RBFA: variants seen among roughly 807,000 people sequenced by gnomAD.
RBFA encodes the protein ribosome binding factor A, also known as putative ribosome-binding factor A, mitochondrial.
RBFA carries 16 observed loss-of-function variants against 27.9 expected under a neutral mutation model. That is an observed-to-expected ratio of 0.57 (90% CI 0.39 to 0.87). The LOEUF (loss-of-function observed/expected upper bound fraction) is 0.87. RBFA is among the 40% of genes least tolerant of loss of function. The probability of loss-of-function intolerance (pLI) is 0.00; values close to 1 mark genes in which losing one functional copy is unlikely to be tolerated. For missense variants in RBFA, 456 were observed against 432.1 expected, an observed-to-expected ratio of 1.06 and a Z score of -0.49; for synonymous variants, 181 against 181.0, an observed-to-expected ratio of 1.00 and a Z score of 0.00.
In RBFA at chr18:80,037,313, T is replaced by G. The variant is rs1157079716; in HGVS notation, c.202-17T>G. On this transcript the variant is annotated splice_polypyrimidine_tract_variant and intron_variant, in intron 2 of 6. Coordinates refer to ENST00000306735, the MANE Select transcript of RBFA (RefSeq NM_024805.3). ...TTGTAACGCTGCCCTTGGGGTGTGC[T>G]CTTCTTCCTGATGGAGACTTACAAA... 8.7e-6 allele frequency: 14 copies of G among 1,611,508 alleles called. No homozygotes were observed. The highest frequency in any genetic ancestry group is 1.0e-5 in the Non-Finnish European group (12 of 1,178,648).
At chr18:80,037,308 T>C (rs1020740568) in intron 2 of RBFA, 22 bp from the exon 3 acceptor site, 1 of 1,609,484 alleles carries the variant, frequency 6.2e-7, no homozygotes, top group Non-Finnish European at 8.5e-7. Context: ...GCCCTTGGGG[T>C]GTGCTCTTCT....
At position 80,045,799 on chromosome 18, in the gene RBFA, G is replaced by A. The variant is rs149756081; in HGVS notation, c.676G>A (p.Gly226Ser). 1.9e-3 allele frequency: 2,915 copies of A among 1,518,542 alleles called. 6 individuals carry two copies. Among genetic ancestry groups the A allele is most frequent in the Non-Finnish European group, 2.4e-3 (2,748 of 1,134,162 alleles). The allele number at this position is 1,518,542 out of a possible 1,614,324, so 94.1% of individuals were successfully genotyped here. A position where few individuals can be genotyped will look rare whatever the true frequency, so the allele number is the denominator to read the frequency against. ...GGACCCTGATGCCCCACAACCCTGC[G>A]GCACCACAGAGCCGACCACAAGCTC... ...FRDPDAPQPC[G>S]TTEPTTSSSL... Residue 226 changes from glycine (G) to serine (S), a missense_variant, in exon 7 of 7, where the codon GGC (glycine) becomes AGC (serine). By Grantham distance (56) the Gly-to-Ser change is moderately conservative. Coordinates refer to ENST00000306735, the MANE Select transcript of RBFA (RefSeq NM_024805.3).
rs543806209 is a variant in RBFA, at chr18:80,046,271, A to G, written c.*116A>G. 254 of 1,200,024 alleles carry G rather than the reference A, an allele frequency of 2.1e-4. No homozygotes were observed. Among genetic ancestry groups the G allele is most frequent in the East Asian group, 4.1e-4 (16 of 39,030 alleles). The allele number at this position is 1,200,024 out of a possible 1,614,324, so 74.3% of individuals were successfully genotyped here. A position where few individuals can be genotyped will look rare whatever the true frequency, so the allele number is the denominator to read the frequency against. ...AACCATCTGCTCTTCTGCTACTTCA[A>G]CATTTTCTAGCTTTTCCGTGTATCT... is the stretch of plus-strand genomic sequence containing the variant. On this transcript the variant is annotated 3_prime_UTR_variant, in exon 7 of 7. Coordinates refer to ENST00000306735, the MANE Select transcript of RBFA (RefSeq NM_024805.3).
intron 6 of RBFA, 45 bp from the exon 7 acceptor site, chr18:80,045,729 G>A (rs1251901853): frequency 6.7e-7 from 1 of 1,495,788 alleles, no homozygotes; most frequent in East Asian, 2.3e-5. Flanking sequence ...CTGTGGACTA[G>A]GGGCATGGTT....
At position 80,034,658 on chromosome 18, in the gene RBFA, T is replaced by C. The variant is rs202077429; in HGVS notation, c.158+5T>C. On this transcript the variant is annotated splice_donor_5th_base_variant and intron_variant, in intron 1 of 6. Transcript: ENST00000306735. ...GAAATTTGCCTCGAAAACCAAGTAATGCGGCGGGGGCGGTGTCCCTGGGCG... is the reference window on the plus strand; with the variant it reads ...GAAATTTGCCTCGAAAACCAAGTAACGCGGCGGGGGCGGTGTCCCTGGGCG... The C allele has an allele frequency of 7.2e-5, 116 of 1,608,028 alleles. No individual in the cohort carries two copies. The highest frequency in any genetic ancestry group is 9.3e-5 in the Non-Finnish European group (110 of 1,178,368).
chr18:80,042,255 AT>A, intron 5 of RBFA, 36 bp downstream of exon 5: 2 of 1,432,750 alleles, frequency 1.4e-6, no homozygotes, highest in Non-Finnish European at 1.9e-6. Context: ...AAATTTAAAA[AT>A]TTTTATTTTT....
In RBFA at chr18:80,038,585, GGCTGTCCT is replaced by G; in HGVS notation, c.462_469del (p.Val155GlufsTer35). The G allele has an allele frequency of 1.2e-6, 2 of 1,614,052 alleles. No individual in the cohort carries two copies. The highest frequency in any genetic ancestry group is 2.2e-5 in the South Asian group (2 of 91,076). ...CTGCTGAGCAGAACGCACACATGGA[GGCTGTCCT>G]GCAGAGAAGTGCCGCGCACATGAGG... is the stretch of plus-strand genomic sequence containing the variant. On this transcript the variant is annotated frameshift_variant, in exon 4 of 7. Coordinates refer to ENST00000306735, the MANE Select transcript of RBFA (RefSeq NM_024805.3). LOFTEE classifies it high-confidence loss of function.
intron 5 of RBFA, among the ~76,000 whole-genome samples, chr18:80,043,072 T>G (rs1288105937): frequency 1.3e-5 from 2 of 152,196 alleles, no homozygotes; most frequent in Non-Finnish European, 2.9e-5. Context: ...CCTGTAACCT[T>G]AAGTGCTTTT....
Position 80,039,385 on chromosome 18 carries a change from A to G in RBFA, c.491+768A>G, listed in dbSNP as rs377659526. 9.9e-5 allele frequency among the ~76,000 whole-genome samples: 15 copies of G among 152,232 alleles called. No homozygotes were observed. The East Asian group carries it at 1.2e-3, about 12-fold the overall frequency. On this transcript the variant is annotated intron_variant, in intron 4 of 6. Coordinates refer to ENST00000306735, the MANE Select transcript of RBFA (RefSeq NM_024805.3). ...TATCAAAAATTATTAATTGTATTAAATCTTGACCCTTGAGCATGCCTTTTT... is the reference window on the plus strand; with the variant it reads ...TATCAAAAATTATTAATTGTATTAAGTCTTGACCCTTGAGCATGCCTTTTT...
At position 80,038,608 on chromosome 18, in the gene RBFA, C is replaced by T. The variant is rs770753763; in HGVS notation, c.482C>T (p.Ala161Val). Residue 161 changes from alanine to valine, a missense_variant, in exon 4 of 7, where the codon GCG becomes GTG. Coordinates refer to ENST00000306735, the MANE Select transcript of RBFA (RefSeq NM_024805.3). ...HMEAVLQRSA[A>V]HMRHLLMSQQ... ...GAGGCTGTCCTGCAGAGAAGTGCCG[C>T]GCACATGAGGTGATGACCTTTGCTT... 28 of 1,612,160 alleles carry T rather than the reference C, an allele frequency of 1.7e-5. No homozygotes were observed. The highest frequency in any genetic ancestry group is 1.7e-4 in the Middle Eastern group (1 of 6,058).
At position 80,047,061 on chromosome 18, in the gene RBFA, T is replaced by C. The variant is rs1314143287; in HGVS notation, c.*906T>C. 1 of 152,286 alleles carries C rather than the reference T, an allele frequency of 6.6e-6. No individual in the cohort carries two copies. The highest frequency in any genetic ancestry group is 2.4e-5 in the African/African-American group (1 of 41,478). The allele number at this position is 152,286 out of a possible 1,614,324, so 9.4% of individuals were successfully genotyped here. On this transcript the variant is annotated 3_prime_UTR_variant, in exon 7 of 7. Coordinates refer to ENST00000306735, the MANE Select transcript of RBFA (RefSeq NM_024805.3). ...CCCCTGTGAGCTGTCAGGTTCTAAA[T>C]TCAGAATTCTCTCAATTCTGTCAGG...
chr18:80,044,516 T>C (rs530325922), intron 6 of RBFA, among the ~76,000 whole-genome samples: 1 of 152,312 alleles, frequency 6.6e-6, no homozygotes, highest in African/African-American at 2.4e-5. Flanking sequence ...ACTCCTGCAG[T>C]GAGGAGAGGG....
chr18:80,044,039 G>C (rs556460843), intron 5 of RBFA, among the ~76,000 whole-genome samples, 173 bp from the exon 6 acceptor site: 2 of 152,246 alleles, frequency 1.3e-5, no homozygotes, highest in Non-Finnish European at 2.9e-5. Context: ...TAAGGTATTT[G>C]AAAGCACAGG....
Position 80,037,419 on chromosome 18 carries a change from C to T in RBFA, c.291C>T (p.Asn97=), listed in dbSNP as rs192509555. The T allele has an allele frequency of 2.8e-4, 444 of 1,614,126 alleles. 3 individuals are homozygous for T. The Admixed American group carries it at 5.5e-3, about 20-fold the overall frequency. ...KEDHARLRAL[N]GLLYKALTDL... ...ACCATGCGCGCCTGAGGGCCCTGAA[C>T]GGCCTCCTCTATAAGGCACTGACAG... The change falls in exon 3 of 7, where the codon AAC becomes AAT. Residue 97 remains asparagine (N), a synonymous_variant. Transcript: ENST00000306735.
chr18:80,046,186 A>G lies in RBFA; in HGVS notation c.*31A>G, dbSNP rs777581984. ...GAGGCTCTGCCCATCCCACATTTGC[A>G]GGGAAAAGCATTGGCACGCAACGCA... On this transcript the variant is annotated 3_prime_UTR_variant, in exon 7 of 7. Transcript: ENST00000306735. 6.2e-7 allele frequency: 1 copy of G among 1,601,114 alleles called. No homozygotes were observed. Among genetic ancestry groups the G allele is most frequent in the Non-Finnish European group, 8.5e-7 (1 of 1,171,930 alleles).
intron 6 of RBFA, 106 bp downstream of exon 6, chr18:80,044,391 T>G (rs1042161845): frequency 2.0e-6 from 2 of 996,290 alleles, no homozygotes; most frequent in African/African-American, 3.2e-5. Flanking sequence ...GTAGCCTGCA[T>G]GATCCCCATG....
chr18:80,047,356 G>C lies in RBFA; in HGVS notation c.*1201G>C, dbSNP rs555492304. 1 of 152,388 alleles carries C rather than the reference G, an allele frequency of 6.6e-6. No individual in the cohort carries two copies. The highest frequency in any genetic ancestry group is 1.5e-5 in the Non-Finnish European group (1 of 68,126). The allele number at this position is 152,388 out of a possible 1,614,324, so 9.4% of individuals were successfully genotyped here. A position where few individuals can be genotyped will look rare whatever the true frequency, so the allele number is the denominator to read the frequency against. ...GTGCTGACCACTGGATCCAGGCCAC[G>C]TGCTGCAGACAGCGGCTGTGGGCGA... is the stretch of plus-strand genomic sequence containing the variant. On this transcript the variant is annotated 3_prime_UTR_variant, in exon 7 of 7. Coordinates refer to ENST00000306735, the MANE Select transcript of RBFA (RefSeq NM_024805.3).
chr18:80,042,157 A>G lies in RBFA; in HGVS notation c.514A>G (p.Thr172Ala), dbSNP rs1183052121. The change falls in exon 5 of 7, where the codon ACC becomes GCC. Residue 172 changes from threonine to alanine, a missense_variant. Transcript: ENST00000306735. The part of the protein sequence containing the change: ...HMRHLLMSQQ[T>A]LRNVPPIVFV... Reference sequence around the variant, plus strand: ...TAGGCACCTTTTGATGTCCCAGCAGACCCTGAGGAATGTGCCACCGATAGT... The same window carrying G: ...TAGGCACCTTTTGATGTCCCAGCAGGCCCTGAGGAATGTGCCACCGATAGT... The G allele has an allele frequency of 1.2e-6, 2 of 1,611,124 alleles. No homozygotes were observed. The highest frequency in any genetic ancestry group is 8.5e-7 in the Non-Finnish European group (1 of 1,178,158).
rs1055184930 is a variant in RBFA at position 80,048,759 on chromosome 18, G to A, written c.*2604G>A. 2.6e-5 allele frequency among the ~76,000 whole-genome samples: 4 copies of A among 152,230 alleles called. No individual in the cohort carries two copies. Among genetic ancestry groups the A allele is most frequent in the East Asian group, 3.9e-4 (2 of 5,176 alleles). Reference sequence around the variant, plus strand: ...AGTGCTGCAGGAGATCCAACCAGGCGCCGGCTCAGTGCCTCCTAGAAAGAG... The same window carrying A: ...AGTGCTGCAGGAGATCCAACCAGGCACCGGCTCAGTGCCTCCTAGAAAGAG... On this transcript the variant is annotated 3_prime_UTR_variant, in exon 7 of 7. Coordinates refer to ENST00000306735, the MANE Select transcript of RBFA (RefSeq NM_024805.3).
Sources: allele counts gnomAD v4.1 joint callset (sites outside exome capture counted in the v4.1 genomes callset), GRCh38; gene constraint gnomAD v4.1.1; transcripts MANE v1.5; gene names NCBI Gene and HGNC (gene_info 2026-07-23, HGNC 2026-07-21).